Variants in GALNT13 observed in about 807,000 individuals in gnomAD.
The protein encoded by GALNT13 is UDP-GalNAc:polypeptide N-acetylgalactosaminyltransferase 13.
A neutral mutation model predicts 64.2 loss-of-function variants in GALNT13; 28 were observed. The observed-to-expected ratio is 0.44, with a 90% CI of 0.32 to 0.60. The LOEUF (loss-of-function observed/expected upper bound fraction) is 0.60, where lower values mean the gene tolerates loss of function less well. Ranked by LOEUF, GALNT13 falls within the 20% of genes least tolerant of loss-of-function variation. GALNT13 has a pLI of 0.05. For missense variants in GALNT13, 577 were observed against 669.8 expected (o/e 0.86, Z 1.53); for synonymous variants, 214 against 224.6 (o/e 0.95, Z 0.42).
chr2:153,503,787 G>A, the GALNT13 span, among the ~76,000 whole-genome samples: 1 of 152,140 alleles, frequency 6.6e-6, no homozygotes, highest in Non-Finnish European at 1.5e-5. Context: ...GGCAACTATG[G>A]CCTTATAGTA....
At chr2:153,489,518 G>T in the GALNT13 span, among the ~76,000 whole-genome samples, 3 of 152,106 alleles carry the variant, frequency 2.0e-5, no homozygotes, top group African/African-American at 7.2e-5. Context: ...GACAGTTGGT[G>T]GGGCATGTTT....
At chr2:153,763,983 G>A in the GALNT13 span, among the ~76,000 whole-genome samples, 1 of 152,170 alleles carries the variant, frequency 6.6e-6, no homozygotes, top group African/African-American at 2.4e-5. Context: ...AGAGGAAGAT[G>A]TGGGAAAGTT....
chr2:153,435,967 T>A, the GALNT13 span, among the ~76,000 whole-genome samples: 2 of 152,224 alleles, frequency 1.3e-5, no homozygotes, highest in South Asian at 4.1e-4. Flanking sequence ...TGTGGGTTTG[T>A]CATTGATAGC....
At chr2:154,318,082 G>A (rs561573452) in intron 9 of GALNT13, among the ~76,000 whole-genome samples, 2 of 151,974 alleles carry the variant, frequency 1.3e-5, no homozygotes, top group Admixed American at 6.6e-5. Flanking sequence ...TTAAAAATAC[G>A]CTATCTCTTT....
chr2:153,685,654 AG>A, the GALNT13 span, among the ~76,000 whole-genome samples: 1 of 151,942 alleles, frequency 6.6e-6, no homozygotes, highest in Non-Finnish European at 1.5e-5. Flanking sequence ...GCTGTGCAGA[AG>A]CTCTTCAGTT....
At chr2:153,451,442 A>C in the GALNT13 span, among the ~76,000 whole-genome samples, 2 of 152,150 alleles carry the variant, frequency 1.3e-5, no homozygotes, top group Non-Finnish European at 2.9e-5. Context: ...TGCCTTCATC[A>C]CCATTATCAT....
chr2:153,209,795 GT>G, the GALNT13 span, among the ~76,000 whole-genome samples: 3 of 152,050 alleles, frequency 2.0e-5, no homozygotes, highest in Non-Finnish European at 4.4e-5. Context: ...ATATTCTGAT[GT>G]TTGAGAACAG....
chr2:153,675,721 C>G, the GALNT13 span, among the ~76,000 whole-genome samples: 1 of 151,976 alleles, frequency 6.6e-6, no homozygotes, highest in South Asian at 2.1e-4. Flanking sequence ...TATCTCAAAA[C>G]TTTAAAATTA....
At chr2:153,611,658 G>A in the GALNT13 span, among the ~76,000 whole-genome samples, 8 of 142,732 alleles carry the variant, frequency 5.6e-5, no homozygotes, top group Admixed American at 5.7e-4. Context: ...CTCCATGCCT[G>A]ACCAAGCAGC....
At chr2:154,163,539 G>C (rs1035949768) in intron 4 of GALNT13, among the ~76,000 whole-genome samples, 6 of 152,138 alleles carry the variant, frequency 3.9e-5, no homozygotes, top group Admixed American at 3.9e-4. Context: ...TCTCACTGCT[G>C]TTGTCTGTTT....
intron 11 of GALNT13, among the ~76,000 whole-genome samples, chr2:154,438,272 A>G (rs1701096976): frequency 6.6e-6 from 1 of 152,238 alleles, no homozygotes; most frequent in Non-Finnish European, 1.5e-5. Flanking sequence ...CAGTTTGTAA[A>G]CTTTATTTTA....
the GALNT13 span, among the ~76,000 whole-genome samples, chr2:153,387,376 C>T: frequency 6.6e-6 from 1 of 152,160 alleles, no homozygotes; most frequent in Admixed American, 6.6e-5. Flanking sequence ...CTAAAAATAT[C>T]CACCAATGGG....
the GALNT13 span, among the ~76,000 whole-genome samples, chr2:153,336,080 C>T: frequency 6.6e-6 from 1 of 152,326 alleles, no homozygotes; most frequent in Admixed American, 6.5e-5. Context: ...GAACATCCAC[C>T]TAGATTTCAG....
At chr2:153,934,991 C>G (rs939512046) in intron 2 of GALNT13, among the ~76,000 whole-genome samples, 1 of 152,078 alleles carries the variant, frequency 6.6e-6, no homozygotes, top group Non-Finnish European at 1.5e-5. Flanking sequence ...CCATTGAACA[C>G]CCTAAATAAT....
chr2:153,612,476 T>C, the GALNT13 span, among the ~76,000 whole-genome samples: 2 of 152,300 alleles, frequency 1.3e-5, no homozygotes, highest in African/African-American at 4.8e-5. Context: ...TTGATGGATT[T>C]GACTACATGA....
chr2:153,416,895 T>C, the GALNT13 span, among the ~76,000 whole-genome samples: 1 of 152,154 alleles, frequency 6.6e-6, no homozygotes, highest in South Asian at 2.1e-4. Flanking sequence ...TTGTGGGCTG[T>C]CTTTAAGAAA....
the GALNT13 span, among the ~76,000 whole-genome samples, chr2:153,681,534 C>G: frequency 1.3e-5 from 2 of 151,700 alleles, no homozygotes; most frequent in East Asian, 3.9e-4. Flanking sequence ...AAGACATGAA[C>G]AGAATTTTAA....
intron 9 of GALNT13, among the ~76,000 whole-genome samples, chr2:154,357,094 C>T (rs1243696699): frequency 6.6e-6 from 1 of 151,908 alleles, no homozygotes; most frequent in Admixed American, 6.6e-5. Context: ...CTTCTAATTG[C>T]TTTTGTACCT....
intron 6 of GALNT13, 50 bp downstream of exon 6, chr2:154,242,955 G>A (rs1266007146): frequency 7.1e-7 from 1 of 1,405,082 alleles, no homozygotes; most frequent in Non-Finnish European, 1.0e-6. Context: ...AACCTCTTAG[G>A]ACAGTTCCAG....
Sources: gnomAD v4.1 joint callset for allele counts (sites outside exome capture counted in the v4.1 genomes callset) on GRCh38, gnomAD v4.1.1 for gene constraint, MANE v1.5 for transcripts, NCBI Gene and HGNC (gene_info 2026-07-23, HGNC 2026-07-21) for gene names.